The following KIAA0825 variants were observed in gnomAD, a reference collection of about 807,000 sequenced individuals.
KIAA0825 encodes uncharacterized protein KIAA0825.
Under a neutral mutation model 147.6 loss-of-function variants are expected in KIAA0825, and 119 were observed. That is an observed-to-expected ratio of 0.81 (90% CI 0.69 to 0.94). The LOEUF (loss-of-function observed/expected upper bound fraction) is 0.94. Among genes scored for constraint, KIAA0825 ranks in the 40% least tolerant of loss-of-function variants. The probability of loss-of-function intolerance (pLI) is 0.00; values close to 1 mark genes in which losing one functional copy is unlikely to be tolerated. For missense variants in KIAA0825, 1,381 were observed against 1,472.7 expected, an observed-to-expected ratio of 0.94 and a Z score of 1.02; for synonymous variants, 470 against 518.1, an observed-to-expected ratio of 0.91 and a Z score of 1.26.
At chr5:94,188,156 A>T (rs932661297) in intron 20 of KIAA0825, among the ~76,000 whole-genome samples, 1 of 152,040 alleles carries the variant, frequency 6.6e-6, no homozygotes, top group African/African-American at 2.4e-5. Context: ...CCTGATCGTG[A>T]CTCCCAGCCT....
At chr5:94,462,962 C>T (rs1760020285) in intron 11 of KIAA0825, among the ~76,000 whole-genome samples, 1 of 151,748 alleles carries the variant, frequency 6.6e-6, no homozygotes, top group Non-Finnish European at 1.5e-5. Flanking sequence ...GTTAAAATTT[C>T]ATAGCACAAC....
chr5:94,579,565 G>C (rs528065817), intron 2 of KIAA0825, among the ~76,000 whole-genome samples: 1 of 152,162 alleles, frequency 6.6e-6, no homozygotes, highest in African/African-American at 2.4e-5. Context: ...CATTAAATAC[G>C]TAAGTTAGAA....
chr5:94,274,017 T>C (rs532025834), intron 20 of KIAA0825, among the ~76,000 whole-genome samples: 4 of 152,252 alleles, frequency 2.6e-5, no homozygotes, highest in Admixed American at 6.5e-5. Context: ...AGAAAGAACA[T>C]GGTGTGCTCT....
chr5:94,523,532 T>A (rs1302316609), intron 4 of KIAA0825, among the ~76,000 whole-genome samples: 1 of 151,474 alleles, frequency 6.6e-6, no homozygotes. Flanking sequence ...ACACAATACA[T>A]GGGGATCTTA....
chr5:94,210,538 C>A (rs1328958905), intron 20 of KIAA0825, among the ~76,000 whole-genome samples: 1 of 152,114 alleles, frequency 6.6e-6, no homozygotes, highest in Non-Finnish European at 1.5e-5. Context: ...ACCGGCTCTG[C>A]AAGCTATATT....
rs376379595 is a variant in KIAA0825 at position 94,169,437 on chromosome 5, C to T, written c.3711-15313G>A. ...TCTCTACTGAAAATACAAAAATTAGCGGGGCATGGTGGCACATGCCTGTAA... is the reference window on the plus strand; with the variant it reads ...TCTCTACTGAAAATACAAAAATTAGTGGGGCATGGTGGCACATGCCTGTAA... On this transcript the variant is annotated intron_variant, in intron 20 of 20. Coordinates refer to ENST00000682413, the MANE Select transcript of KIAA0825 (RefSeq NM_001145678.3). 1.2e-3 allele frequency among the ~76,000 whole-genome samples: 190 copies of T among 152,016 alleles called. 4 individuals carry two copies. In the South Asian group the frequency reaches 0.028, roughly 22 times the overall value.
intron 20 of KIAA0825, among the ~76,000 whole-genome samples, chr5:94,361,355 C>T (rs1745035463): frequency 1.3e-5 from 2 of 152,156 alleles, no homozygotes; most frequent in South Asian, 4.1e-4. Context: ...TTAGTCACAC[C>T]ATCTGCTGCC....
intron 1 of KIAA0825, among the ~76,000 whole-genome samples, chr5:94,600,779 C>T (rs1786258338): frequency 6.6e-6 from 1 of 152,162 alleles, no homozygotes; most frequent in Non-Finnish European, 1.5e-5. Context: ...ACCACAGCAC[C>T]ACATAGCTAC....
chr5:94,414,330 C>G (rs1389097875), intron 15 of KIAA0825: 2 of 152,152 alleles, frequency 1.3e-5, no homozygotes, highest in Non-Finnish European at 2.9e-5. Flanking sequence ...TAAAAACCAG[C>G]TGAGGTAATG....
chr5:94,545,677 G>C (rs888373049), intron 2 of KIAA0825, among the ~76,000 whole-genome samples: 3 of 152,190 alleles, frequency 2.0e-5, no homozygotes, highest in Admixed American at 6.5e-5. Flanking sequence ...CTGCTGACTA[G>C]AGAGCTCTTG....
chr5:94,391,141 GC>G (rs1290086943), intron 18 of KIAA0825, among the ~76,000 whole-genome samples: 1 of 152,110 alleles, frequency 6.6e-6, no homozygotes, highest in East Asian at 1.9e-4. Context: ...GAAATCTCCA[GC>G]CTCACCAACA....
intron 20 of KIAA0825, among the ~76,000 whole-genome samples, chr5:94,329,626 A>C (rs1781062843): frequency 6.6e-6 from 1 of 152,174 alleles, no homozygotes; most frequent in African/African-American, 2.4e-5. Context: ...AGACAAAATA[A>C]AAAACAAAAC....
At chr5:94,496,348 G>C (rs1764352146) in intron 5 of KIAA0825, among the ~76,000 whole-genome samples, 1 of 152,226 alleles carries the variant, frequency 6.6e-6, no homozygotes, top group Non-Finnish European at 1.5e-5. Context: ...GCAAAGTGAA[G>C]TGGCTGAAAC....
chr5:94,303,872 G>A (rs1778554656), intron 20 of KIAA0825, among the ~76,000 whole-genome samples: 1 of 152,046 alleles, frequency 6.6e-6, no homozygotes, highest in Admixed American at 6.6e-5. Flanking sequence ...TCACCATGGT[G>A]AGGCCTGGCC....
intron 7 of KIAA0825, among the ~76,000 whole-genome samples, chr5:94,474,515 T>C (rs971909846): frequency 1.3e-5 from 2 of 152,182 alleles, no homozygotes; most frequent in Admixed American, 1.3e-4. Context: ...AATTGTATGA[T>C]TTCTATGGTC....
At chr5:94,340,131 G>A (rs1433071148) in intron 20 of KIAA0825, among the ~76,000 whole-genome samples, 1 of 152,020 alleles carries the variant, frequency 6.6e-6, no homozygotes, top group Non-Finnish European at 1.5e-5. Flanking sequence ...ATATCCATGG[G>A]GGATTGGTTC....
intron 5 of KIAA0825, among the ~76,000 whole-genome samples, chr5:94,489,590 A>C (rs1218084775): frequency 6.6e-6 from 1 of 151,420 alleles, no homozygotes; most frequent in Non-Finnish European, 1.5e-5. Context: ...AAAAAAAACA[A>C]ACTCCACTTT....
chr5:94,590,333 G>T (rs1784124945), intron 1 of KIAA0825, among the ~76,000 whole-genome samples: 1 of 152,092 alleles, frequency 6.6e-6, no homozygotes, highest in African/African-American at 2.4e-5. Flanking sequence ...TCCTCATATT[G>T]CCTGTCTTTC....
intron 15 of KIAA0825, among the ~76,000 whole-genome samples, chr5:94,408,823 A>G (rs913666243): frequency 1.3e-5 from 2 of 152,244 alleles, no homozygotes; most frequent in Non-Finnish European, 2.9e-5. Context: ...AACTATTTAA[A>G]AAATCAATTT....
Sources: allele counts gnomAD v4.1 joint callset (sites outside exome capture counted in the v4.1 genomes callset), GRCh38; gene constraint gnomAD v4.1.1; transcripts MANE v1.5; gene names NCBI Gene and HGNC (gene_info 2026-07-23, HGNC 2026-07-21).